KIAA1958: variants seen among roughly 807,000 people sequenced by gnomAD.
The protein encoded by KIAA1958 is KIAA1958.
A neutral mutation model predicts 47.2 loss-of-function variants in KIAA1958; 14 were observed. That is an observed-to-expected ratio of 0.30 (90% CI 0.20 to 0.46). The LOEUF (loss-of-function observed/expected upper bound fraction) is 0.46, where lower values mean the gene tolerates loss of function less well. Ranked by LOEUF, KIAA1958 falls within the 20% of genes least tolerant of loss-of-function variation. The probability of loss-of-function intolerance (pLI) is 1.00; values close to 1 mark genes in which losing one functional copy is unlikely to be tolerated. For synonymous variants in KIAA1958, 354 were observed against 353.3 expected, an observed-to-expected ratio of 1.00 and a Z score of -0.02; for missense variants, 803 against 909.2, an observed-to-expected ratio of 0.88 and a Z score of 1.50.
At chr9:112,546,973 C>T (rs904564494) in intron 1 of KIAA1958, among the ~76,000 whole-genome samples, 3 of 150,738 alleles carry the variant, frequency 2.0e-5, no homozygotes, top group Admixed American at 6.6e-5. Context: ...GAGACAGTCC[C>T]GTCTGCTGCC....
At chr9:112,613,815 G>A (rs1221911732) in intron 2 of KIAA1958, among the ~76,000 whole-genome samples, 4 of 152,118 alleles carry the variant, frequency 2.6e-5, no homozygotes, top group Non-Finnish European at 5.9e-5. Flanking sequence ...TCCTCATGGT[G>A]GGGAAAGTAA....
chr9:112,593,839 T>TTTTTGTTTTG (rs10627875), intron 2 of KIAA1958, among the ~76,000 whole-genome samples: 3,523 of 147,926 alleles, frequency 0.024, 56 homozygotes, highest in African/African-American at 0.047. Context: ...ACTTGTCTGT[T>TTTTTGTTTTG]TTTTGTTTTG....
Position 112,539,981 on chromosome 9 carries a change from G to A in KIAA1958, c.-24-34076G>A, listed in dbSNP as rs184849568. Among the ~76,000 whole-genome samples the A allele has an allele frequency of 4.0e-4, 61 of 152,272 alleles. No individual in the cohort carries two copies. In the East Asian group the frequency reaches 8.9e-3, roughly 22 times the overall value. On this transcript the variant is annotated intron_variant, in intron 1 of 3. Transcript: ENST00000337530. ...ACTAGGATTACAGGCCTGAGCCACC[G>A]TGCTGGGCTGTAAATACATATATTT...
intron 1 of KIAA1958, among the ~76,000 whole-genome samples, chr9:112,517,974 G>A (rs1347493314): frequency 1.3e-5 from 2 of 152,198 alleles, no homozygotes; most frequent in Non-Finnish European, 2.9e-5. Flanking sequence ...ATGTAAAATG[G>A]TACAGCTACT....
chr9:112,522,720 G>A (rs901659477), intron 1 of KIAA1958, among the ~76,000 whole-genome samples: 1 of 152,126 alleles, frequency 6.6e-6, no homozygotes, highest in African/African-American at 2.4e-5. Flanking sequence ...CTTGGTTATA[G>A]TCAAAAAGCT....
intron 3 of KIAA1958, among the ~76,000 whole-genome samples, chr9:112,648,485 C>T (rs950498668): frequency 1.3e-5 from 2 of 152,170 alleles, no homozygotes; most frequent in African/African-American, 4.8e-5. Flanking sequence ...CTGAGGCTGA[C>T]AAAGAACTGC....
At chr9:112,607,312 G>A (rs1032910048) in intron 2 of KIAA1958, among the ~76,000 whole-genome samples, 5 of 151,214 alleles carry the variant, frequency 3.3e-5, no homozygotes, top group African/African-American at 7.3e-5. Context: ...CAACCTGAGC[G>A]ACACAGCAAA....
At chr9:112,566,967 A>T (rs1161502050) in intron 1 of KIAA1958, among the ~76,000 whole-genome samples, 1 of 152,192 alleles carries the variant, frequency 6.6e-6, no homozygotes, top group Non-Finnish European at 1.5e-5. Context: ...TAATATGCTC[A>T]TATTAATTAT....
intron 1 of KIAA1958, among the ~76,000 whole-genome samples, chr9:112,500,448 A>G (rs989839644): frequency 1.1e-3 from 172 of 151,054 alleles, no homozygotes; most frequent in East Asian, 1.8e-3. Context: ...TAACCTTAAT[A>G]TCATTAATTT....
intron 2 of KIAA1958, among the ~76,000 whole-genome samples, chr9:112,579,960 C>T (rs889256717): frequency 3.3e-5 from 5 of 152,202 alleles, no homozygotes; most frequent in African/African-American, 1.2e-4. Flanking sequence ...TGCCATTTGC[C>T]ACCTTGCCTT....
chr9:112,655,746 G>T (rs755449023), intron 3 of KIAA1958, among the ~76,000 whole-genome samples: 12 of 152,216 alleles, frequency 7.9e-5, no homozygotes, highest in Non-Finnish European at 5.9e-5. Context: ...AGGTCTCTGT[G>T]TCTTGTTTCA....
rs1353601578 is a variant in KIAA1958 at position 112,667,959 on chromosome 9, C to T, written c.*7890C>T. 3 of 141,688 alleles carry T rather than the reference C, an allele frequency of 2.1e-5. No homozygotes were observed. In the East Asian group the frequency reaches 6.4e-4, roughly 30 times the overall value. 8.8% of individuals were successfully genotyped at this position (141,688 alleles called of 1,614,324 possible). A position where few individuals can be genotyped will look rare whatever the true frequency, so the allele number is the denominator to read the frequency against. ...AAATAGATAATATGGCTAGAAGCTA[C>T]ATATCTAAAAGCACCCGAAGTCCTC... On this transcript the variant is annotated 3_prime_UTR_variant, in exon 4 of 4. Transcript: ENST00000337530.
chr9:112,556,081 A>G (rs1052233566), intron 1 of KIAA1958, among the ~76,000 whole-genome samples: 1 of 151,548 alleles, frequency 6.6e-6, no homozygotes, highest in South Asian at 2.1e-4. Context: ...CTCTGTCTCC[A>G]AAAAAAAAGC....
chr9:112,589,705 G>T (rs768291288), intron 2 of KIAA1958, among the ~76,000 whole-genome samples: 3 of 152,230 alleles, frequency 2.0e-5, no homozygotes, highest in Non-Finnish European at 2.9e-5. Context: ...GACGGAACAA[G>T]TTGATTGGCA....
chr9:112,570,786 G>C (rs1167640663), intron 1 of KIAA1958, among the ~76,000 whole-genome samples: 1 of 152,196 alleles, frequency 6.6e-6, no homozygotes, highest in Non-Finnish European at 1.5e-5. Context: ...CGATTATGTG[G>C]CTGAGAAGTC....
chr9:112,494,228 T>A (rs1834016400), intron 1 of KIAA1958, among the ~76,000 whole-genome samples: 1 of 152,224 alleles, frequency 6.6e-6, no homozygotes, highest in South Asian at 2.1e-4. Context: ...TCCCTGTTAA[T>A]TCTCCTAGAT....
chr9:112,540,909 A>G (rs924590007), intron 1 of KIAA1958, among the ~76,000 whole-genome samples: 2 of 151,746 alleles, frequency 1.3e-5, no homozygotes, highest in African/African-American at 4.8e-5. Context: ...TTTTGTAGAG[A>G]CAGAGTTAAT....
chr9:112,528,314 C>T (rs1834695980), intron 1 of KIAA1958, among the ~76,000 whole-genome samples: 2 of 152,152 alleles, frequency 1.3e-5, no homozygotes, highest in South Asian at 2.1e-4. Flanking sequence ...CTGCATCCCC[C>T]TCCACCTCAG....
At chr9:112,531,321 G>C (rs1834748542) in intron 1 of KIAA1958, among the ~76,000 whole-genome samples, 1 of 152,202 alleles carries the variant, frequency 6.6e-6, no homozygotes, top group Non-Finnish European at 1.5e-5. Flanking sequence ...CCGGGAGGCA[G>C]AGGTTGTGGT....
Sources: gnomAD v4.1 joint callset for allele counts (sites outside exome capture counted in the v4.1 genomes callset) on GRCh38, gnomAD v4.1.1 for gene constraint, MANE v1.5 for transcripts, NCBI Gene and HGNC (gene_info 2026-07-23, HGNC 2026-07-21) for gene names.